The following TSEN15 variants were observed in gnomAD, a reference collection of about 807,000 sequenced individuals.
TSEN15 encodes tRNA-splicing endonuclease subunit Sen15.
A neutral mutation model predicts 20.5 loss-of-function variants in TSEN15; 10 were observed. The ratio of observed to expected loss-of-function variants is 0.49; its 90% CI spans 0.30 to 0.83. TSEN15 has a LOEUF of 0.83. Among genes scored for constraint, TSEN15 ranks in the 40% least tolerant of loss-of-function variants. The pLI is 0.06. For synonymous variants in TSEN15, 72 were observed against 80.1 expected, an observed-to-expected ratio of 0.90 and a Z score of 0.54; for missense variants, 180 against 218.6, an observed-to-expected ratio of 0.82 and a Z score of 1.11.
intron 3 of TSEN15, among the ~76,000 whole-genome samples, chr1:184,092,159 C>G (rs1030613373): frequency 6.6e-6 from 1 of 152,186 alleles, no homozygotes. Flanking sequence ...TATAACCAGA[C>G]AGATGTGCTC....
intron 3 of TSEN15, among the ~76,000 whole-genome samples, chr1:184,069,799 C>T (rs1205332293): frequency 6.6e-6 from 1 of 151,998 alleles, no homozygotes; most frequent in Non-Finnish European, 1.5e-5. Context: ...TTTAAACATA[C>T]TTGAAAAATC....
At chr1:184,071,338 G>C (rs999687750) in intron 3 of TSEN15, 1 of 151,896 alleles carries the variant, frequency 6.6e-6, no homozygotes, top group Non-Finnish European at 1.5e-5. Flanking sequence ...AAGAAATGAA[G>C]AATACCAGGA....
chr1:184,088,719 C>A (rs1651308376), intron 3 of TSEN15, among the ~76,000 whole-genome samples: 1 of 124,756 alleles, frequency 8.0e-6, no homozygotes, highest in African/African-American at 2.9e-5. Flanking sequence ...ACCTTCAGTG[C>A]TCATCTGGGT....
intron 3 of TSEN15, among the ~76,000 whole-genome samples, chr1:184,061,270 T>A (rs1650445363): frequency 6.6e-6 from 1 of 152,180 alleles, no homozygotes; most frequent in Admixed American, 6.5e-5. Flanking sequence ...CAGTTGTAAA[T>A]CACCATTTTA....
chr1:184,066,955 C>T (rs1650687507), intron 3 of TSEN15, among the ~76,000 whole-genome samples: 1 of 152,118 alleles, frequency 6.6e-6, no homozygotes, highest in South Asian at 2.1e-4. Flanking sequence ...CAGAGTTTTA[C>T]AGTTTTCCTC....
downstream of TSEN15, among the ~76,000 whole-genome samples, chr1:184,075,399 A>G (rs1294965892): frequency 6.6e-6 from 1 of 152,204 alleles, no homozygotes; most frequent in East Asian, 1.9e-4. Flanking sequence ...AAGTGAGTTT[A>G]CATTTGTCTC....
rs150621810 is a variant in TSEN15, at chr1:184,060,327, G to A, written c.353+5464G>A. On this transcript the variant is annotated intron_variant, in intron 3 of 4. Coordinates refer to ENST00000645668, the MANE Select transcript of TSEN15 (RefSeq NM_052965.4). The stretch of plus-strand genomic sequence containing the variant: ...GCAAAGGAAAATGTCTCTTCACTAA[G>A]GTTCAAGGCTTGGCGAACAATGAAG... Among the ~76,000 whole-genome samples the A allele has an allele frequency of 4.0e-3, 611 of 152,336 alleles. 6 individuals carry two copies. The highest frequency in any genetic ancestry group is 0.014 in the African/African-American group (583 of 41,572).
chr1:184,061,048 A>G lies in TSEN15; in HGVS notation c.353+6185A>G, dbSNP rs558117821. Among the ~76,000 whole-genome samples the G allele has an allele frequency of 4.6e-5, 7 of 152,314 alleles. No homozygotes were observed. In the East Asian group the frequency reaches 9.6e-4, roughly 21 times the overall value. Reference sequence around the variant, plus strand: ...CATTATTCTTTCTTTTATAGTAATAATGGGCTTTGGCCCATATATTGTTCC... The same window carrying G: ...CATTATTCTTTCTTTTATAGTAATAGTGGGCTTTGGCCCATATATTGTTCC... On this transcript the variant is annotated intron_variant, in intron 3 of 4. Coordinates refer to ENST00000645668, the MANE Select transcript of TSEN15 (RefSeq NM_052965.4).
At position 184,072,350 on chromosome 1, in the gene TSEN15, A is replaced by G. The variant is rs572205936; in HGVS notation, c.495+52A>G. The G allele has an allele frequency of 3.9e-6, 6 of 1,535,548 alleles. No homozygotes were observed. The Admixed American group carries it at 7.9e-5, about 20-fold the overall frequency. On this transcript the variant is annotated intron_variant, in intron 4 of 4. Transcript: ENST00000645668. The stretch of plus-strand genomic sequence containing the variant: ...GAAGTACAAAAAGAGGAAAATTATG[A>G]CGTGATTTTAAGTGTGACTCAAGTC...
At chr1:184,075,910 A>G (rs201915109), downstream of TSEN15, among the ~76,000 whole-genome samples, 2 of 123,738 alleles carry the variant, frequency 1.6e-5, no homozygotes, top group African/African-American at 5.7e-5. Context: ...ATATATATAT[A>G]TTTTTTTTTT....
chr1:184,055,009 G>A, intron 3 of TSEN15, 146 bp downstream of exon 3: 2 of 880,570 alleles, frequency 2.3e-6, no homozygotes, highest in East Asian at 5.4e-5. Flanking sequence ...TTAAATATGA[G>A]TGTTGTATTC....
At chr1:184,084,436 C>T (rs1651225900) in intron 3 of TSEN15, among the ~76,000 whole-genome samples, 3 of 148,614 alleles carry the variant, frequency 2.0e-5, no homozygotes, top group Non-Finnish European at 4.5e-5. Flanking sequence ...ATCCATAAAT[C>T]CTTTTGATTA....
At chr1:184,056,436 T>C (rs989628851) in intron 3 of TSEN15, among the ~76,000 whole-genome samples, 1 of 152,150 alleles carries the variant, frequency 6.6e-6, no homozygotes, top group Non-Finnish European at 1.5e-5. Flanking sequence ...ATGAATTCTT[T>C]ATATATTCTT....
intron 3 of TSEN15, among the ~76,000 whole-genome samples, chr1:184,083,858 TGAAA>T (rs1256423943): frequency 1.3e-5 from 2 of 152,154 alleles, no homozygotes; most frequent in Admixed American, 6.6e-5. Flanking sequence ...ATCCTATAAT[TGAAA>T]GATTTTGCCA....
At position 184,092,355 on chromosome 1, in the gene TSEN15, A is replaced by G. The variant is rs547988221; in HGVS notation, c.354-3335A>G. Among the ~76,000 whole-genome samples, 11 of 152,374 alleles carry G rather than the reference A, an allele frequency of 7.2e-5. No individual in the cohort carries two copies. The South Asian group carries it at 2.3e-3, about 32-fold the overall frequency. On this transcript the variant is annotated intron_variant, in intron 3 of 3. Transcript: ENST00000643231. Reference sequence around the variant, plus strand: ...TTTAATAGATACCATGCTAGCATCTACAGACTAGGAAATAAGTAGGGACTG... The same window carrying G: ...TTTAATAGATACCATGCTAGCATCTGCAGACTAGGAAATAAGTAGGGACTG...
At chr1:184,075,910 A>ATATATATT (rs760409158), downstream of TSEN15, among the ~76,000 whole-genome samples, 1 of 123,738 alleles carries the variant, frequency 8.1e-6, no homozygotes, top group African/African-American at 2.8e-5. Context: ...ATATATATAT[A>ATATATATT]TTTTTTTTTT....
At chr1:184,055,197 A>C (rs1650204147) in intron 3 of TSEN15, 1 of 192,758 alleles carries the variant, frequency 5.2e-6, no homozygotes, top group Non-Finnish European at 1.1e-5. Context: ...TTCGTGAAGC[A>C]AGAGCAGGCA....
chr1:184,090,548 G>A (rs1186910221), intron 3 of TSEN15, among the ~76,000 whole-genome samples: 1 of 152,176 alleles, frequency 6.6e-6, no homozygotes, highest in African/African-American at 2.4e-5. Flanking sequence ...TTTCATGTGT[G>A]CTATAGAAGC....
intron 3 of TSEN15, among the ~76,000 whole-genome samples, chr1:184,059,716 A>G (rs1320987052): frequency 6.6e-6 from 1 of 152,130 alleles, no homozygotes; most frequent in Non-Finnish European, 1.5e-5. Context: ...GATTACAGGC[A>G]TGCACTACCA....
Sources: allele counts gnomAD v4.1 joint callset (sites outside exome capture counted in the v4.1 genomes callset), GRCh38; gene constraint gnomAD v4.1.1; transcripts MANE v1.5; gene names NCBI Gene and HGNC (gene_info 2026-07-23, HGNC 2026-07-21).